ACO1: variants seen among roughly 807,000 people sequenced by gnomAD.
ACO1 encodes the protein cytoplasmic aconitate hydratase.
A neutral mutation model predicts 105.1 loss-of-function variants in ACO1; 78 were observed. The observed-to-expected ratio is 0.74, with a 90% confidence interval of 0.62 to 0.90. The LOEUF (loss-of-function observed/expected upper bound fraction) is 0.90. Ranked by LOEUF, ACO1 falls within the 40% of genes least tolerant of loss-of-function variation. The pLI, the probability that ACO1 is intolerant of heterozygous loss-of-function variation, is 0.00. For missense variants in ACO1, 965 were observed against 1,111.1 expected (o/e 0.87, Z 1.87); for synonymous variants, 364 against 397.4 (o/e 0.92, Z 1.00).
chr9:32,454,040 C>CT lies in ACO1; in HGVS notation c.*3931dup, dbSNP rs1189414722. The CT allele has an allele frequency of 6.6e-6, 1 of 152,206 alleles. No individual in the cohort carries two copies. Among genetic ancestry groups the CT allele is most frequent in the African/African-American group, 2.4e-5 (1 of 41,442 alleles). The allele number at this position is 152,206 out of a possible 1,614,324, so 9.4% of individuals were successfully genotyped here. A position where few individuals can be genotyped will look rare whatever the true frequency, so the allele number is the denominator to read the frequency against. ...ACCTGCCAAATTTGGTTCTGGTTGT[C>CT]TTATCGTATGCAGGCTGGATACCTG... On this transcript the variant is annotated 3_prime_UTR_variant, in exon 21 of 21. Coordinates refer to ENST00000309951, the MANE Select transcript of ACO1 (RefSeq NM_002197.3).
At chr9:32,400,394 C>T (rs377312463) in intron 1 of ACO1, among the ~76,000 whole-genome samples, 2 of 151,992 alleles carry the variant, frequency 1.3e-5, no homozygotes, top group East Asian at 3.9e-4. Context: ...GAAGGGAGGG[C>T]CCCCCTTGGA....
At chr9:32,421,062 G>A in intron 8 of ACO1, 35 bp downstream of exon 8, 1 of 1,597,242 alleles carries the variant, frequency 6.3e-7, no homozygotes, top group Non-Finnish European at 8.6e-7. Flanking sequence ...CGGGCTTTTT[G>A]TAAAAGTTCC....
At position 32,450,840 on chromosome 9, in the gene ACO1, G is replaced by C. The variant is rs1005084617; in HGVS notation, c.*729G>C. 2 of 152,178 alleles carry C rather than the reference G, an allele frequency of 1.3e-5. No individual in the cohort carries two copies. The highest frequency in any genetic ancestry group is 2.9e-5 in the Non-Finnish European group (2 of 68,066). The allele number at this position is 152,178 out of a possible 1,614,324, so 9.4% of individuals were successfully genotyped here. ...TGAAATCTATTTTCAGTGAAAACTT[G>C]TTGACTTTGAGTTTTGCTGTGTTTG... On this transcript the variant is annotated 3_prime_UTR_variant, in exon 21 of 21. Transcript: ENST00000309951.
intron 1 of ACO1, among the ~76,000 whole-genome samples, chr9:32,401,587 G>A (rs1821496983): frequency 6.6e-6 from 1 of 152,142 alleles, no homozygotes; most frequent in African/African-American, 2.4e-5. Flanking sequence ...ACAGGTTGGT[G>A]CCATGCCTTA....
chr9:32,427,061 CTCTT>C (rs1822115682), intron 11 of ACO1, among the ~76,000 whole-genome samples: 1 of 152,122 alleles, frequency 6.6e-6, no homozygotes, highest in Admixed American at 6.5e-5. Flanking sequence ...GTAAGCAAAT[CTCTT>C]TCTTCATTTC....
chr9:32,434,192 G>T (rs1042876130), intron 16 of ACO1, among the ~76,000 whole-genome samples: 1 of 152,158 alleles, frequency 6.6e-6, no homozygotes, highest in African/African-American at 2.4e-5. Flanking sequence ...TCTAGAAGTT[G>T]GTGCTCTCCT....
chr9:32,426,063 G>A, intron 11 of ACO1, 66 bp downstream of exon 11: 1 of 1,542,368 alleles, frequency 6.5e-7, no homozygotes, highest in Non-Finnish European at 8.8e-7. Flanking sequence ...CCGAGACAGG[G>A]CCCAGGGCCT....
intron 4 of ACO1, among the ~76,000 whole-genome samples, chr9:32,411,890 A>T (rs767488426): frequency 2.6e-5 from 4 of 151,898 alleles, no homozygotes; most frequent in Admixed American, 1.3e-4. Flanking sequence ...TTATTTATTT[A>T]TTTTTTGAGA....
At chr9:32,387,353 C>T (rs554675115) in intron 1 of ACO1, among the ~76,000 whole-genome samples, 4 of 152,314 alleles carry the variant, frequency 2.6e-5, no homozygotes, top group Non-Finnish European at 4.4e-5. Flanking sequence ...TTCCTAACTC[C>T]GTGTTCAGTG....
intron 1 of ACO1, among the ~76,000 whole-genome samples, chr9:32,388,273 T>A (rs1409972406): frequency 6.6e-6 from 1 of 152,168 alleles, no homozygotes; most frequent in African/African-American, 2.4e-5. Flanking sequence ...CACCGTGGCT[T>A]ACGCCTGTAA....
At chr9:32,394,446 T>G (rs1159910018) in intron 1 of ACO1, among the ~76,000 whole-genome samples, 1 of 152,226 alleles carries the variant, frequency 6.6e-6, no homozygotes, top group Admixed American at 6.5e-5. Flanking sequence ...ATGTCGTGTG[T>G]ATGAATGAAT....
chr9:32,426,763 T>C (rs554993527), intron 11 of ACO1, among the ~76,000 whole-genome samples: 12 of 152,310 alleles, frequency 7.9e-5, no homozygotes, highest in Middle Eastern at 3.4e-3. Flanking sequence ...TCTGTGATAC[T>C]TCCTAAGACA....
intron 1 of ACO1, among the ~76,000 whole-genome samples, chr9:32,396,396 G>A (rs1159478362): frequency 6.6e-6 from 1 of 152,142 alleles, no homozygotes; most frequent in Non-Finnish European, 1.5e-5. Flanking sequence ...GGCTTAAAGT[G>A]TAGATTTACA....
chr9:32,412,617 A>G (rs147953239), intron 4 of ACO1, among the ~76,000 whole-genome samples: 16 of 152,302 alleles, frequency 1.1e-4, no homozygotes, highest in African/African-American at 3.8e-4. Flanking sequence ...GGAACAGACC[A>G]TGTACTCGCC....
intron 2 of ACO1, among the ~76,000 whole-genome samples, chr9:32,406,599 G>T (rs897279251): frequency 4.6e-5 from 7 of 152,150 alleles, no homozygotes; most frequent in African/African-American, 1.7e-4. Context: ...CTCCAGTCTG[G>T]GTAACAGAGT....
Position 32,440,516 on chromosome 9 carries a change from A to G in ACO1, c.2299A>G (p.Ile767Val). The change falls in exon 19 of 21, where the codon ATC (isoleucine) becomes GTC (valine). Residue 767 changes from isoleucine (I) to valine (V), a missense_variant. Transcript: ENST00000309951. ...ERYQQAGLPL[I>V]VLAGKEYGAG... is the part of the protein sequence containing the mutation. ...GTACCAGCAGGCAGGCCTTCCCCTG[A>G]TCGTTCTGGCTGGCAAAGAGTACGG... 1.2e-6 allele frequency: 2 copies of G among 1,613,942 alleles called. No individual in the cohort carries two copies. The highest frequency in any genetic ancestry group is 1.7e-6 in the Non-Finnish European group (2 of 1,179,954).
chr9:32,430,074 C>T (rs919519163), intron 13 of ACO1, among the ~76,000 whole-genome samples: 4 of 152,182 alleles, frequency 2.6e-5, no homozygotes, highest in African/African-American at 9.6e-5. Flanking sequence ...ATAGAATCTA[C>T]GTATTCTATA....
chr9:32,417,292 T>C (rs1350746278), intron 4 of ACO1, among the ~76,000 whole-genome samples: 4 of 152,242 alleles, frequency 2.6e-5, no homozygotes, highest in Non-Finnish European at 5.9e-5. Flanking sequence ...TCAAAAAGTG[T>C]TAACTACTGG....
Position 32,450,079 on chromosome 9 carries a change from C to T in ACO1, c.2638C>T (p.Leu880Phe). 6.2e-7 allele frequency: 1 copy of T among 1,613,898 alleles called. No individual in the cohort carries two copies. The highest frequency in any genetic ancestry group is 8.5e-7 in the Non-Finnish European group (1 of 1,179,998). ...CACTTATTTCCTCAACGGGGGCATC[C>T]TCAACTACATGATCCGCAAGATGGC... ...ELTYFLNGGI[L>F]NYMIRKMAK Residue 880 changes from leucine (L) to phenylalanine (F), a missense_variant, in exon 21 of 21, where the codon CTC (leucine) becomes TTC (phenylalanine). Coordinates refer to ENST00000309951, the MANE Select transcript of ACO1 (RefSeq NM_002197.3).
Sources: gnomAD v4.1 joint callset for allele counts (sites outside exome capture counted in the v4.1 genomes callset) on GRCh38, gnomAD v4.1.1 for gene constraint, MANE v1.5 for transcripts, NCBI Gene and HGNC (gene_info 2026-07-23, HGNC 2026-07-21) for gene names.